The following SKIL variants were observed in gnomAD, a reference collection of about 807,000 sequenced individuals.
SKIL encodes the protein SKI like proto-oncogene.
In SKIL, 20 loss-of-function variants were observed where a neutral mutation model predicts 69.6. The ratio of observed to expected loss-of-function variants is 0.29; its 90% CI spans 0.20 to 0.42. The LOEUF is 0.42. Ranked by LOEUF, SKIL falls within the 10% of genes least tolerant of loss-of-function variation. SKIL has a pLI of 1.00. For missense variants in SKIL, 745 were observed against 783.1 expected, an observed-to-expected ratio of 0.95 and a Z score of 0.58; for synonymous variants, 310 against 279.9, an observed-to-expected ratio of 1.11 and a Z score of -1.08.
At chr3:170,359,299 T>A (rs1364177226) in intron 1 of SKIL, among the ~76,000 whole-genome samples, 1 of 152,222 alleles carries the variant, frequency 6.6e-6, no homozygotes, top group African/African-American at 2.4e-5. Context: ...AGTTTAAGAT[T>A]AAGAAACTGA....
At chr3:170,377,744 C>T (rs1336957861) in intron 2 of SKIL, among the ~76,000 whole-genome samples, 1 of 149,074 alleles carries the variant, frequency 6.7e-6, no homozygotes, top group African/African-American at 2.5e-5. Context: ...TTAGTAGAGA[C>T]GGGGTTTCAC....
intron 6 of SKIL, among the ~76,000 whole-genome samples, chr3:170,391,774 G>A (rs777523144): frequency 2.6e-5 from 4 of 151,932 alleles, no homozygotes; most frequent in Non-Finnish European, 5.9e-5. Context: ...AATTTTTATC[G>A]GGTTACTGCA....
Position 170,361,441 on chromosome 3 carries a change from A to T in SKIL, c.1098+12A>T. 1.3e-6 allele frequency: 2 copies of T among 1,532,934 alleles called. No homozygotes were observed. The highest frequency in any genetic ancestry group is 1.8e-6 in the Non-Finnish European group (2 of 1,142,622). 95.0% of individuals were successfully genotyped at this position (1,532,934 alleles called of 1,614,324 possible). On this transcript the variant is annotated intron_variant, in intron 2 of 6. Transcript: ENST00000259119. ...GAAATCAATCCAAGGCAAGTTTTTT[A>T]TATCAATTTTTAATAATGGTAATGG...
rs755759615 is a variant in SKIL, at chr3:170,360,303, G to A, written c.-29G>A. On this transcript the variant is annotated 5_prime_UTR_variant, in exon 2 of 7. Transcript: ENST00000259119. ...CAACTAAATAGAAATGCTAATCTCAGACTTAATTATTTAACAGAAGAGTGT... is the reference window on the plus strand; with the variant it reads ...CAACTAAATAGAAATGCTAATCTCAAACTTAATTATTTAACAGAAGAGTGT... 5.3e-6 allele frequency: 8 copies of A among 1,514,412 alleles called. No individual in the cohort carries two copies. Among genetic ancestry groups the A allele is most frequent in the Non-Finnish European group, 7.1e-6 (8 of 1,134,682 alleles). The allele number at this position is 1,514,412 out of a possible 1,614,324, so 93.8% of individuals were successfully genotyped here.
chr3:170,386,373 G>A (rs937219856), intron 4 of SKIL, among the ~76,000 whole-genome samples: 5 of 151,964 alleles, frequency 3.3e-5, no homozygotes, highest in Admixed American at 1.3e-4. Context: ...CAGGTGATCC[G>A]CCTGCCTCGG....
At chr3:170,376,726 T>C (rs1306692303) in intron 2 of SKIL, among the ~76,000 whole-genome samples, 1 of 152,012 alleles carries the variant, frequency 6.6e-6, no homozygotes, top group Admixed American at 6.6e-5. Flanking sequence ...CAGGCACACA[T>C]CACCTTGCCT....
chr3:170,393,198 T>A lies in SKIL; in HGVS notation c.*781T>A, dbSNP rs150820243. The A allele has an allele frequency of 6.6e-6, 1 of 152,324 alleles. No homozygotes were observed. Among genetic ancestry groups the A allele is most frequent in the African/African-American group, 2.4e-5 (1 of 41,578 alleles). 9.4% of individuals were successfully genotyped at this position (152,324 alleles called of 1,614,324 possible). A position where few individuals can be genotyped will look rare whatever the true frequency, so the allele number is the denominator to read the frequency against. On this transcript the variant is annotated 3_prime_UTR_variant, in exon 7 of 7. Coordinates refer to ENST00000259119, the MANE Select transcript of SKIL (RefSeq NM_005414.5). ...TGTTGTTAATAGTGGTGTGAAAATA[T>A]TAACGTTCTTGAGAAAAACTGATAC...
intron 2 of SKIL, among the ~76,000 whole-genome samples, chr3:170,370,066 C>T (rs1471568579): frequency 2.0e-5 from 3 of 151,820 alleles, no homozygotes; most frequent in Non-Finnish European, 4.4e-5. Context: ...GGTGAAACCC[C>T]GTCTCTACTA....
intron 2 of SKIL, among the ~76,000 whole-genome samples, chr3:170,364,784 G>C (rs1439890059): frequency 6.6e-6 from 1 of 152,088 alleles, no homozygotes; most frequent in Non-Finnish European, 1.5e-5. Flanking sequence ...ATGTGCTGAG[G>C]TTTGGTTAAC....
rs1737331257 is a variant in SKIL, at chr3:170,381,314, C to T, written c.1169C>T (p.Ser390Phe). ...ATAAAGCAGGAAGGTGACCATGTTT[C>T]TCAGACACATTCATTTTTACACCCC... ...PVIKQEGDHVSQTHSFLHPSY... is the reference protein window; with the variant it reads ...PVIKQEGDHVFQTHSFLHPSY... Residue 390 changes from serine to phenylalanine, a missense_variant, in exon 3 of 7, where the codon TCT becomes TTT. Coordinates refer to ENST00000259119, the MANE Select transcript of SKIL (RefSeq NM_005414.5). The T allele has an allele frequency of 6.3e-7, 1 of 1,585,602 alleles. No individual in the cohort carries two copies. The highest frequency in any genetic ancestry group is 1.7e-5 in the Admixed American group (1 of 59,964).
At chr3:170,378,643 C>G (rs1577430550) in intron 2 of SKIL, among the ~76,000 whole-genome samples, 1 of 149,796 alleles carries the variant, frequency 6.7e-6, no homozygotes, top group African/African-American at 2.5e-5. Context: ...CCTCTGCCTC[C>G]CGGATTCAAG....
At position 170,360,233 on chromosome 3, in the gene SKIL, G is replaced by T. The variant is rs1158960629; in HGVS notation, c.-99G>T. 2 of 1,171,164 alleles carry T rather than the reference G, an allele frequency of 1.7e-6. No individual in the cohort carries two copies. The highest frequency in any genetic ancestry group is 2.4e-6 in the Non-Finnish European group (2 of 842,684). 72.5% of individuals were successfully genotyped at this position (1,171,164 alleles called of 1,614,324 possible). On this transcript the variant is annotated 5_prime_UTR_variant, in exon 2 of 7. Coordinates refer to ENST00000259119, the MANE Select transcript of SKIL (RefSeq NM_005414.5). ...CTTTGAAAGTTTGAGAGTAAGTTAC[G>T]ATAGGCATTTGTATCCATTCATTAC...
At chr3:170,378,881 A>T (rs112579557) in intron 2 of SKIL, among the ~76,000 whole-genome samples, 16 of 65,052 alleles carry the variant, frequency 2.5e-4, no homozygotes, top group African/African-American at 7.1e-4. Context: ...TTATTTATTT[A>T]TTTTTTTTAT....
In SKIL at chr3:170,360,705, C is replaced by A. The variant is rs1483014970; in HGVS notation, c.374C>A (p.Pro125Gln). ...TCGCCTACTGTATTTCTGCCTCTTCCATCACCTCAGGTTCTTCCTGGCCCA... is the reference window on the plus strand; with the variant it reads ...TCGCCTACTGTATTTCTGCCTCTTCAATCACCTCAGGTTCTTCCTGGCCCA... ...SMSPTVFLPL[P>Q]SPQVLPGPLL... The change falls in exon 2 of 7, where the codon CCA (proline) becomes CAA (glutamine). Residue 125 changes from proline (P) to glutamine (Q), a missense_variant. Coordinates refer to ENST00000259119, the MANE Select transcript of SKIL (RefSeq NM_005414.5). 3 of 1,614,184 alleles carry A rather than the reference C, an allele frequency of 1.9e-6. No homozygotes were observed. Among genetic ancestry groups the A allele is most frequent in the Non-Finnish European group, 2.5e-6 (3 of 1,180,040 alleles).
chr3:170,389,395 G>C (rs995195790), intron 4 of SKIL, among the ~76,000 whole-genome samples: 1 of 148,228 alleles, frequency 6.7e-6, no homozygotes, highest in East Asian at 2.0e-4. Flanking sequence ...CTCACTGCAA[G>C]CTCCGCCTCC....
chr3:170,361,414 G>A lies in SKIL; in HGVS notation c.1083G>A (p.Lys361=). The part of the protein sequence containing the change: ...MKEKFSMRSG[K]RNQSKTDAPS... ...AGAAGTTTAGCATGAGAAGTGGAAA[G>A]AGAAATCAATCCAAGGCAAGTTTTT... Residue 361 remains lysine, a synonymous_variant, in exon 2 of 7, where the codon AAG becomes AAA. Transcript: ENST00000259119. 1 of 1,574,900 alleles carries A rather than the reference G, an allele frequency of 6.3e-7. No individual in the cohort carries two copies. The highest frequency in any genetic ancestry group is 8.6e-7 in the Non-Finnish European group (1 of 1,165,884).
At chr3:170,378,771 G>T (rs1737173909) in intron 2 of SKIL, among the ~76,000 whole-genome samples, 1 of 150,968 alleles carries the variant, frequency 6.6e-6, no homozygotes, top group Non-Finnish European at 1.5e-5. Flanking sequence ...TCAAACTCCT[G>T]ACTTCAGGTG....
At chr3:170,379,606 C>G (rs756840526) in intron 2 of SKIL, among the ~76,000 whole-genome samples, 1 of 152,066 alleles carries the variant, frequency 6.6e-6, no homozygotes, top group Admixed American at 6.6e-5. Flanking sequence ...TTAGTAACCA[C>G]AGATCATTTA....
chr3:170,390,938 T>C (rs1004496305), intron 5 of SKIL, 98 bp from the exon 6 acceptor site: 16 of 656,970 alleles, frequency 2.4e-5, no homozygotes, highest in African/African-American at 3.7e-5. Flanking sequence ...TAATGATAGC[T>C]GAATTTTAGG....
Sources: gnomAD v4.1 joint callset for allele counts (sites outside exome capture counted in the v4.1 genomes callset) on GRCh38, gnomAD v4.1.1 for gene constraint, MANE v1.5 for transcripts, NCBI Gene and HGNC (gene_info 2026-07-23, HGNC 2026-07-21) for gene names.